The following OPHN1 variants were observed in gnomAD, a reference collection of about 807,000 sequenced individuals.
OPHN1 encodes oligophrenin-1.
In OPHN1, 11 loss-of-function variants were observed where a neutral mutation model predicts 60.7. The ratio of observed to expected loss-of-function variants is 0.18; its 90% confidence interval spans 0.11 to 0.30. The LOEUF is 0.30. OPHN1 is among the 10% of genes least tolerant of loss of function. OPHN1 has a pLI of 1.00. For missense variants in OPHN1, 449 were observed against 611.0 expected, an observed-to-expected ratio of 0.73 and a Z score of 2.80; for synonymous variants, 226 against 222.6, an observed-to-expected ratio of 1.02 and a Z score of -0.14.
chrX:68,230,386 C>A (rs1037442943), intron 6 of OPHN1, among the ~76,000 whole-genome samples: 2 of 111,392 alleles, frequency 1.8e-5, no homozygotes, highest in African/African-American at 6.5e-5. Flanking sequence ...ACTAGAAATA[C>A]TATTTGACCC....
intron 7 of OPHN1, among the ~76,000 whole-genome samples, chrX:68,212,587 A>G (rs911036269): frequency 1.8e-5 from 2 of 111,625 alleles, no homozygotes; most frequent in African/African-American, 6.5e-5. Flanking sequence ...TCTCAAAAAA[A>G]CAAAAAACAA....
rs777485718 is a variant in OPHN1, at chrX:68,096,922, T to C, written c.1634A>G (p.Asn545Ser). The C allele has an allele frequency of 4.1e-6, 5 of 1,210,996 alleles. No individual in the cohort carries two copies. The highest frequency in any genetic ancestry group is 4.5e-6 in the Non-Finnish European group (4 of 895,160). ...CACCACTATGTTCTGGAATTTGATGTTCATCATGGCGGCCACAGTGTCCTC... is the reference window on the plus strand; with the variant it reads ...CACCACTATGTTCTGGAATTTGATGCTCATCATGGCGGCCACAGTGTCCTC... ...AQEDTVAAMM[N>S]IKFQNIVVEI... The change falls in exon 19 of 25, where the codon AAC (asparagine) becomes AGC (serine). Residue 545 changes from asparagine to serine, a missense_variant. Asn to Ser is a conservative substitution (Grantham distance 46). Around this residue, in one of 4 missense-constraint regions of OPHN1, gnomAD observed 166 missense variants for 278.4 expected, o/e 0.60. Transcript: ENST00000355520.
intron 2 of OPHN1, among the ~76,000 whole-genome samples, chrX:68,327,591 GA>G (rs1238226985): frequency 2.0e-5 from 1 of 49,648 alleles, no homozygotes; most frequent in African/African-American, 1.1e-4. Context: ...CATGCTCGTT[GA>G]GAGTCATCAC....
Position 68,063,859 on chromosome X carries a change from T to G in OPHN1, c.2153A>C (p.Lys718Thr). The change falls in exon 21 of 25, where the codon AAG (lysine) becomes ACG (threonine). Residue 718 changes from lysine (K) to threonine (T), a missense_variant. Lys to Thr is a moderately conservative substitution (Grantham distance 78). Around this residue, in one of 4 missense-constraint regions of OPHN1, gnomAD observed 184 missense variants for 160.5 expected, o/e 1.15. Transcript: ENST00000355520. ...RPAPRPLAHH[K>T]EGDADSFSKV... is the part of the protein sequence containing the mutation. The stretch of plus-strand genomic sequence containing the variant: ...TGGGATTCCCAAGCACTTACCCTCC[T>G]TGTGGTGGGCCAGGGGCCGGGGAGC... 8.6e-7 allele frequency: 1 copy of G among 1,164,545 alleles called. No individual in the cohort carries two copies. Among genetic ancestry groups the G allele is most frequent in the Non-Finnish European group, 1.1e-6 (1 of 870,196 alleles).
intron 15 of OPHN1, among the ~76,000 whole-genome samples, chrX:68,178,427 G>A (rs775183364): frequency 5.4e-5 from 6 of 111,029 alleles, no homozygotes; most frequent in African/African-American, 1.3e-4. Context: ...TTTTTGAGAC[G>A]TAATCTCTCT....
intron 2 of OPHN1, chrX:68,360,988 T>G: frequency 9.0e-6 from 1 of 111,660 alleles, no homozygotes; most frequent in Middle Eastern, 4.6e-3. Flanking sequence ...TGTGAAATAG[T>G]GTAGCGTTAT....
At chrX:68,356,114 A>G in intron 2 of OPHN1, among the ~76,000 whole-genome samples, 1 of 110,904 alleles carries the variant, frequency 9.0e-6, no homozygotes, top group Middle Eastern at 4.7e-3. Context: ...ACGGTGCCCA[A>G]ATATGTGGTC....
At chrX:68,420,398 T>C (rs2078820814) in intron 2 of OPHN1, among the ~76,000 whole-genome samples, 1 of 111,861 alleles carries the variant, frequency 8.9e-6, no homozygotes, top group African/African-American at 3.2e-5. Flanking sequence ...ATCTATAAAT[T>C]GGAGGTAATT....
chrX:68,193,840 ATCAGAGTGACGAGAT>A (rs762749701), intron 14 of OPHN1, 35 bp downstream of exon 14: 2 of 1,049,535 alleles, frequency 1.9e-6, no homozygotes, highest in Admixed American at 4.4e-5. Flanking sequence ...CCAGGATAAA[ATCAGAGTGACGAGAT>A]TCAGACAATG....
chrX:68,298,947 A>G, intron 3 of OPHN1, 54 bp downstream of exon 3: 1 of 763,518 alleles, frequency 1.3e-6, no homozygotes, highest in Non-Finnish European at 2.0e-6. Context: ...AAAAGACTAC[A>G]TGGTCTCAGG....
chrX:68,053,672 C>A lies in OPHN1; in HGVS notation c.2297G>T (p.Gly766Val). Residue 766 changes from glycine to valine, a missense_variant, in exon 22 of 25, where the codon GGC (glycine) becomes GTC (valine). Around this residue, in one of 4 missense-constraint regions of OPHN1, gnomAD observed 184 missense variants for 160.5 expected, o/e 1.15. Transcript: ENST00000355520. ...AGATGATGTGATTTCCCCCGCATTG[C>A]CAGCCACAATATCTGGCTTTGGTTC... Reference protein sequence around the residue: ...KPEPKPDIVAGNAGEITSSVV... With the variant: ...KPEPKPDIVAVNAGEITSSVV... The A allele has an allele frequency of 1.7e-6, 2 of 1,211,488 alleles. No homozygotes were observed. Among genetic ancestry groups the A allele is most frequent in the Non-Finnish European group, 2.2e-6 (2 of 895,398 alleles).
At chrX:68,152,454 CTTT>C (rs376464615) in intron 15 of OPHN1, among the ~76,000 whole-genome samples, 1 of 101,704 alleles carries the variant, frequency 9.8e-6, no homozygotes. Flanking sequence ...TTTTTTTATT[CTTT>C]TTTTTTTTTG....
chrX:68,073,219 G>T lies in OPHN1; in HGVS notation c.1767C>A (p.Ile589=). ...PRVTARRHKP[I]TISKRLLRER... ...CTCGCAGCAAGCGCTTTGAAATCGT[G>T]ATTGGTTTGTGCCTTCTTGCTGTCA... is the stretch of plus-strand genomic sequence containing the variant. Residue 589 remains isoleucine, a synonymous_variant, in exon 20 of 25, where the codon ATC becomes ATA. Transcript: ENST00000355520. 2 of 1,211,886 alleles carry T rather than the reference G, an allele frequency of 1.7e-6. No homozygotes were observed. Among genetic ancestry groups the T allele is most frequent in the South Asian group, 1.8e-5 (1 of 56,999 alleles).
intron 3 of OPHN1, among the ~76,000 whole-genome samples, chrX:68,286,800 G>A (rs1354988020): frequency 9.0e-6 from 1 of 111,059 alleles, no homozygotes; most frequent in Non-Finnish European, 1.9e-5. Flanking sequence ...TGGACTGCTT[G>A]AGACCAGAAG....
At chrX:68,227,110 G>T (rs751581169) in intron 6 of OPHN1, among the ~76,000 whole-genome samples, 1 of 111,321 alleles carries the variant, frequency 9.0e-6, no homozygotes, top group Admixed American at 9.6e-5. Flanking sequence ...TGCAATCCTA[G>T]GCTCTGATAA....
chrX:68,213,264 A>G (rs1393921758), intron 7 of OPHN1, among the ~76,000 whole-genome samples: 3 of 111,489 alleles, frequency 2.7e-5, no homozygotes, highest in Non-Finnish European at 5.6e-5. Flanking sequence ...CCAGTTACTC[A>G]GGAGGCTGAG....
At position 68,423,732 on chromosome X, in the gene OPHN1, C is replaced by T. The variant is rs1220981931; in HGVS notation, c.154+9135G>A. 3.6e-5 allele frequency among the ~76,000 whole-genome samples: 4 copies of T among 112,008 alleles called. No individual in the cohort carries two copies. The East Asian group carries it at 1.1e-3, about 31-fold the overall frequency. ...TTATCCTAAGGTTTTCAAAGTTCAT[C>T]CTTATTGTACCATGTGTCAGTACTT... On this transcript the variant is annotated intron_variant, in intron 2 of 24. Transcript: ENST00000355520.
intron 2 of OPHN1, among the ~76,000 whole-genome samples, chrX:68,370,041 T>TATATATATATATATATATATATATAC (rs2078519844): frequency 1.1e-5 from 1 of 93,705 alleles, no homozygotes; most frequent in African/African-American, 4.4e-5. Context: ...TATATATATA[T>TATATATATATATATATATATATATAC]ATAGAACCTG....
At chrX:68,296,002 A>G (rs1283844567) in intron 3 of OPHN1, among the ~76,000 whole-genome samples, 1 of 111,213 alleles carries the variant, frequency 9.0e-6, no homozygotes. Context: ...TGGCAATAGG[A>G]GGGCATGGCA....
Sources: gnomAD v4.1 joint callset for allele counts (sites outside exome capture counted in the v4.1 genomes callset) on GRCh38, gnomAD v4.1.1 for gene constraint, gnomAD v4.1.1 regional missense constraint, MANE v1.5 for transcripts, NCBI Gene and HGNC (gene_info 2026-07-23, HGNC 2026-07-21) for gene names.